The following PRICKLE1 variants were observed in gnomAD, a reference collection of about 807,000 sequenced individuals.
PRICKLE1 encodes prickle-like protein 1.
A neutral mutation model predicts 70.2 loss-of-function variants in PRICKLE1; 14 were observed. The ratio of observed to expected loss-of-function variants is 0.20; its 90% CI spans 0.13 to 0.31. PRICKLE1 has a LOEUF of 0.31. PRICKLE1 is among the 10% of genes least tolerant of loss of function. The probability of loss-of-function intolerance (pLI) is 1.00; values close to 1 mark genes in which losing one functional copy is unlikely to be tolerated. For missense variants in PRICKLE1, 821 were observed against 1,026.2 expected (o/e 0.80, Z 2.73); for synonymous variants, 357 against 379.9 (o/e 0.94, Z 0.70).
intron 1 of PRICKLE1, among the ~76,000 whole-genome samples, chr12:42,560,768 TCACACACACACACA>T (rs71084672): frequency 0.013 from 1,723 of 127,756 alleles, 35 homozygotes; most frequent in African/African-American, 0.059. Flanking sequence ...GCCCATCTTC[TCACACACACACACA>T]CACACACACA....
Position 42,459,079 on chromosome 12 carries a change from A to C in PRICKLE1, c.*730T>G. The C allele has an allele frequency of 2.2e-6, 1 of 453,240 alleles. No individual in the cohort carries two copies. The highest frequency in any genetic ancestry group is 3.9e-6 in the Non-Finnish European group (1 of 253,910). The allele number at this position is 453,240 out of a possible 1,614,324, so 28.1% of individuals were successfully genotyped here. A position where few individuals can be genotyped will look rare whatever the true frequency, so the allele number is the denominator to read the frequency against. On this transcript the variant is annotated 3_prime_UTR_variant, in exon 8 of 8. Coordinates refer to ENST00000345127, the MANE Select transcript of PRICKLE1 (RefSeq NM_153026.3). ...ATATAAGCAATCAGTTCATCCATAA[A>C]TTCTGGTTCCCTGGCAAATCTAGCA...
chr12:42,532,894 CAA>C (rs11413258), intron 1 of PRICKLE1, among the ~76,000 whole-genome samples: 3 of 133,048 alleles, frequency 2.3e-5, no homozygotes, highest in Non-Finnish European at 1.6e-5. Context: ...GACTCCGTCT[CAA>C]AAAAAAAAAA....
At chr12:42,475,030 A>C (rs2091205863) in intron 1 of PRICKLE1, among the ~76,000 whole-genome samples, 1 of 152,194 alleles carries the variant, frequency 6.6e-6, no homozygotes, top group Admixed American at 6.5e-5. Flanking sequence ...TTTTGTGAAA[A>C]ATGTGCAGTA....
intron 1 of PRICKLE1, among the ~76,000 whole-genome samples, chr12:42,574,621 A>G (rs1426049546): frequency 1.3e-5 from 2 of 152,272 alleles, no homozygotes; most frequent in Admixed American, 1.3e-4. Context: ...CACAATTTTA[A>G]TATCACCATA....
intron 1 of PRICKLE1, among the ~76,000 whole-genome samples, chr12:42,572,820 T>G (rs377553282): frequency 6.6e-6 from 1 of 152,102 alleles, no homozygotes; most frequent in African/African-American, 2.4e-5. Flanking sequence ...AGAGCAAGAC[T>G]CTGTCTCAAA....
chr12:42,517,239 T>A (rs1187372796), intron 1 of PRICKLE1, among the ~76,000 whole-genome samples: 3 of 151,936 alleles, frequency 2.0e-5, no homozygotes, highest in Non-Finnish European at 4.4e-5. Flanking sequence ...TTTTTAAAAA[T>A]ACTTTTACTG....
chr12:42,473,381 G>A (rs1034493258), intron 1 of PRICKLE1, among the ~76,000 whole-genome samples: 5 of 152,136 alleles, frequency 3.3e-5, no homozygotes, highest in East Asian at 1.9e-4. Flanking sequence ...AGCCTGCTAT[G>A]GGCAGAGTAA....
At chr12:42,555,786 T>C (rs1421086402) in intron 1 of PRICKLE1, among the ~76,000 whole-genome samples, 5 of 152,198 alleles carry the variant, frequency 3.3e-5, no homozygotes, top group Non-Finnish European at 5.9e-5. Flanking sequence ...AGAATCCTTC[T>C]AGAATGGCCA....
intron 1 of PRICKLE1, among the ~76,000 whole-genome samples, chr12:42,506,706 G>C (rs72482210): frequency 6.7e-6 from 1 of 149,800 alleles, no homozygotes; most frequent in East Asian, 2.0e-4. Context: ...CTGAGCAGCT[G>C]GGATTATAGG....
Position 42,530,415 on chromosome 12 carries a change from C to T in PRICKLE1, c.-48-57851G>A, listed in dbSNP as rs562530963. On this transcript the variant is annotated intron_variant, in intron 1 of 7. Coordinates refer to ENST00000345127, the MANE Select transcript of PRICKLE1 (RefSeq NM_153026.3). ...CATTCCCCCTAAATTATATTCAAGT[C>T]ACTGTTCAGTCCACTAAATCCTCAA... is the stretch of plus-strand genomic sequence containing the variant. 7.2e-5 allele frequency among the ~76,000 whole-genome samples: 11 copies of T among 152,204 alleles called. No individual in the cohort carries two copies. The South Asian group carries it at 2.3e-3, about 32-fold the overall frequency.
chr12:42,501,908 C>T (rs2708066), intron 1 of PRICKLE1, among the ~76,000 whole-genome samples: 26,391 of 152,058 alleles, frequency 0.17, 3,034 homozygotes, highest in African/African-American at 0.31. Context: ...ATTATCTGTA[C>T]TGCAAATTTT....
Position 42,464,353 on chromosome 12 carries a change from A to T in PRICKLE1, c.1639+42T>A. The T allele has an allele frequency of 1.2e-6, 2 of 1,613,342 alleles. No homozygotes were observed. Among genetic ancestry groups the T allele is most frequent in the South Asian group, 2.2e-5 (2 of 90,938 alleles). On this transcript the variant is annotated intron_variant, in intron 7 of 7. Transcript: ENST00000345127. This position sits in a 1 kb window ranked among gnomAD's most constrained non-coding sequence, Gnocchi z 4.2. ...CAATTTTTTGAATACACTTTTTAGT[A>T]GCTCCTTTTTTCAAATACCCCATAA...
intron 1 of PRICKLE1, among the ~76,000 whole-genome samples, chr12:42,486,767 C>G (rs1389347778): frequency 1.3e-5 from 2 of 152,108 alleles, no homozygotes; most frequent in African/African-American, 4.8e-5. Context: ...GTTAGTTGCT[C>G]TTGGTATCAG....
At chr12:42,515,216 A>T (rs1322587924) in intron 1 of PRICKLE1, among the ~76,000 whole-genome samples, 1 of 149,802 alleles carries the variant, frequency 6.7e-6, no homozygotes, top group Non-Finnish European at 1.5e-5. Flanking sequence ...ATGAGCCACC[A>T]CACTTGGCTC....
chr12:42,522,662 A>G (rs1279419073), intron 1 of PRICKLE1, among the ~76,000 whole-genome samples: 1 of 152,300 alleles, frequency 6.6e-6, no homozygotes, highest in African/African-American at 2.4e-5. Flanking sequence ...TTAGTATCCT[A>G]TGTGGCACTT....
chr12:42,496,587 T>C (rs929316545), intron 1 of PRICKLE1, among the ~76,000 whole-genome samples: 1 of 152,254 alleles, frequency 6.6e-6, no homozygotes, highest in Non-Finnish European at 1.5e-5. Context: ...CTCAACTGCA[T>C]TGAAAATCTG....
intron 1 of PRICKLE1, among the ~76,000 whole-genome samples, chr12:42,559,611 T>C (rs1324510647): frequency 1.6e-5 from 1 of 64,340 alleles, no homozygotes; most frequent in Non-Finnish European, 2.9e-5. Context: ...TGTGTGTATA[T>C]ATATATATAT....
At chr12:42,585,626 C>G (rs1225023927) in intron 1 of PRICKLE1, among the ~76,000 whole-genome samples, 1 of 152,114 alleles carries the variant, frequency 6.6e-6, no homozygotes, top group Non-Finnish European at 1.5e-5. Flanking sequence ...TCAGCGTGCT[C>G]CAACCTGTAA....
Position 42,464,557 on chromosome 12 carries a change from T to C in PRICKLE1, c.1477A>G (p.Ser493Gly). 1 of 1,613,998 alleles carries C rather than the reference T, an allele frequency of 6.2e-7. No homozygotes were observed. The highest frequency in any genetic ancestry group is 8.5e-7 in the Non-Finnish European group (1 of 1,180,026). The change falls in exon 7 of 8, where the codon AGC (serine) becomes GGC (glycine). Residue 493 changes from serine to glycine, a missense_variant. Ser to Gly is a moderately conservative substitution (Grantham distance 56). Coordinates refer to ENST00000345127, the MANE Select transcript of PRICKLE1 (RefSeq NM_153026.3). This position sits in a 1 kb window ranked among gnomAD's most constrained non-coding sequence, Gnocchi z 4.2. ...SAYGSHPGPA[S>G]SRRLQELELD... The stretch of plus-strand genomic sequence containing the variant: ...TCCAATTCCTGAAGCCTTCTACTGC[T>C]TGCAGGGCCTGGGTGGCTGCCATAA...
Sources: allele counts gnomAD v4.1 joint callset (sites outside exome capture counted in the v4.1 genomes callset), GRCh38; gene constraint gnomAD v4.1.1; non-coding constraint Gnocchi (gnomAD v3.1); transcripts MANE v1.5; gene names NCBI Gene and HGNC (gene_info 2026-07-23, HGNC 2026-07-21).